Variants in AKAP7 observed in about 807,000 individuals in gnomAD.
The protein encoded by AKAP7 is A-kinase anchoring protein 7.
In AKAP7, 39 loss-of-function variants were observed where a neutral mutation model predicts 39.5. That is an observed-to-expected ratio of 0.99 (90% CI 0.76 to 1.29). AKAP7 has a LOEUF of 1.29. AKAP7 is among the 50% of genes most tolerant of loss of function. The probability of loss-of-function intolerance (pLI) is 0.00; values close to 1 mark genes in which losing one functional copy is unlikely to be tolerated. For missense variants in AKAP7, 414 were observed against 407.7 expected (o/e 1.02, Z -0.13); for synonymous variants, 140 against 139.1 (o/e 1.01, Z -0.05).
At chr6:131,220,443 T>A (rs1385729299) in intron 7 of AKAP7, among the ~76,000 whole-genome samples, 1 of 152,202 alleles carries the variant, frequency 6.6e-6, no homozygotes, top group Non-Finnish European at 1.5e-5. Flanking sequence ...GTGAACGTAT[T>A]TCAAAGCAGC....
At chr6:131,273,471 T>A (rs1814460677) in intron 7 of AKAP7, among the ~76,000 whole-genome samples, 1 of 152,196 alleles carries the variant, frequency 6.6e-6, no homozygotes, top group Non-Finnish European at 1.5e-5. Flanking sequence ...CATTATTGGC[T>A]TATTTGCTGT....
At chr6:131,248,876 G>T (rs983820414) in intron 7 of AKAP7, among the ~76,000 whole-genome samples, 2 of 152,008 alleles carry the variant, frequency 1.3e-5, no homozygotes, top group Admixed American at 1.3e-4. Flanking sequence ...GGTGAATTTG[G>T]GGGAATACTG....
chr6:131,220,112 A>G (rs1257666655), intron 7 of AKAP7, among the ~76,000 whole-genome samples: 2 of 152,200 alleles, frequency 1.3e-5, no homozygotes, highest in African/African-American at 4.8e-5. Context: ...ACATGAAGAA[A>G]ACATTTTCTC....
intron 7 of AKAP7, among the ~76,000 whole-genome samples, chr6:131,236,062 A>T (rs1811028794): frequency 6.6e-6 from 1 of 152,184 alleles, no homozygotes; most frequent in Non-Finnish European, 1.5e-5. Flanking sequence ...TCTTTAATCC[A>T]ACTTGAATTA....
At chr6:131,199,914 G>T in intron 6 of AKAP7, 1 of 266,414 alleles carries the variant, frequency 3.8e-6, no homozygotes, top group East Asian at 1.4e-4. Flanking sequence ...TTTGCATCCT[G>T]TTGCTCTCAA....
the AKAP7 span, among the ~76,000 whole-genome samples, chr6:131,126,854 G>A: frequency 2.6e-5 from 4 of 152,104 alleles, no homozygotes; most frequent in African/African-American, 7.2e-5. Context: ...CTAAGTGGCT[G>A]CCTGCATATC....
At chr6:131,206,786 C>CATCTATCTATCT (rs148815359) in intron 6 of AKAP7, among the ~76,000 whole-genome samples, 4 of 151,196 alleles carry the variant, frequency 2.6e-5, no homozygotes, top group Non-Finnish European at 5.9e-5. Context: ...TCCATCCATC[C>CATCTATCTATCT]ATCTATCTAT....
intron 5 of AKAP7, among the ~76,000 whole-genome samples, chr6:131,176,784 T>C (rs1804625747): frequency 1.3e-5 from 2 of 152,282 alleles, no homozygotes; most frequent in South Asian, 2.1e-4. Context: ...TAGGGTGCTC[T>C]ATTACTACAT....
At chr6:131,178,504 CA>C (rs1321314422) in intron 5 of AKAP7, among the ~76,000 whole-genome samples, 2 of 152,182 alleles carry the variant, frequency 1.3e-5, no homozygotes, top group Non-Finnish European at 2.9e-5. Context: ...ATCCTACACC[CA>C]TACACCACTC....
rs539406845 is a variant in AKAP7, at chr6:131,247,326, CT to C, written c.850+27533del. On this transcript the variant is annotated intron_variant, in intron 7 of 7. Coordinates refer to ENST00000431975, the MANE Select transcript of AKAP7 (RefSeq NM_016377.4). The stretch of plus-strand genomic sequence containing the variant: ...ATATATATATATATGTTTTTTTTTT[CT>C]TTTTTTTTTTTTTTCCGAGATGGAG... 8.3e-3 allele frequency among the ~76,000 whole-genome samples: 483 copies of C among 58,178 alleles called. 6 individuals are homozygous for C. Among genetic ancestry groups the C allele is most frequent in the African/African-American group, 0.026 (395 of 15,416 alleles). 38.2% of individuals were successfully genotyped at this position (58,178 alleles called of 152,430 possible). A position where few individuals can be genotyped will look rare whatever the true frequency, so the allele number is the denominator to read the frequency against.
chr6:131,208,791 A>G (rs777406805), intron 6 of AKAP7, among the ~76,000 whole-genome samples: 1 of 152,194 alleles, frequency 6.6e-6, no homozygotes, highest in Non-Finnish European at 1.5e-5. Context: ...GCTCTGCTCC[A>G]CATTGTCTTT....
At position 131,281,450 on chromosome 6, in the gene AKAP7, T is replaced by C. The variant is rs1403257136; in HGVS notation, c.851-80T>C. The C allele has an allele frequency of 1.7e-6, 2 of 1,187,608 alleles. No individual in the cohort carries two copies. The highest frequency in any genetic ancestry group is 3.1e-5 in the African/African-American group (2 of 64,460). The allele number at this position is 1,187,608 out of a possible 1,614,324, so 73.6% of individuals were successfully genotyped here. A position where few individuals can be genotyped will look rare whatever the true frequency, so the allele number is the denominator to read the frequency against. On this transcript the variant is annotated intron_variant, in intron 7 of 7. Transcript: ENST00000431975. The surrounding 1 kb of genome is among the most constrained non-coding windows in gnomAD (Gnocchi z 4.0). Reference sequence around the variant, plus strand: ...ATTTACACTTGCTCTTTTTAACCAATGGAACTAGCCGGCCCCTGCATGCCA... The same window carrying C: ...ATTTACACTTGCTCTTTTTAACCAACGGAACTAGCCGGCCCCTGCATGCCA...
upstream of AKAP7, among the ~76,000 whole-genome samples, chr6:131,133,212 C>T (rs769423348): frequency 1.2e-4 from 18 of 152,078 alleles, no homozygotes; most frequent in Non-Finnish European, 2.2e-4. Context: ...TACTTGTCAC[C>T]TTTAATGGTG....
chr6:131,275,013 C>A (rs1166132053), intron 7 of AKAP7, among the ~76,000 whole-genome samples: 2 of 152,178 alleles, frequency 1.3e-5, no homozygotes, highest in Non-Finnish European at 2.9e-5. Flanking sequence ...GTTTTGCAAT[C>A]ATCATTGCAA....
chr6:131,225,782 T>C (rs1810109771), intron 7 of AKAP7, among the ~76,000 whole-genome samples: 1 of 152,170 alleles, frequency 6.6e-6, no homozygotes, highest in African/African-American at 2.4e-5. Flanking sequence ...CATTTTAAAT[T>C]TTATCCATTA....
chr6:131,214,993 G>A (rs906386497), intron 6 of AKAP7, among the ~76,000 whole-genome samples: 1 of 151,984 alleles, frequency 6.6e-6, no homozygotes, highest in Non-Finnish European at 1.5e-5. Flanking sequence ...TTTCTTATCT[G>A]TGGATAATAG....
intron 6 of AKAP7, among the ~76,000 whole-genome samples, chr6:131,217,790 A>G (rs1216631859): frequency 6.6e-6 from 1 of 152,210 alleles, no homozygotes. Flanking sequence ...GATTATAGCA[A>G]TAGTGGCTAG....
intron 3 of AKAP7, among the ~76,000 whole-genome samples, chr6:131,161,180 C>A (rs1481271943): frequency 1.3e-5 from 2 of 152,050 alleles, no homozygotes; most frequent in African/African-American, 4.8e-5. Flanking sequence ...TATTTTGGGT[C>A]ATTCTAGGAA....
chr6:131,234,213 A>G (rs2128307787), intron 7 of AKAP7, among the ~76,000 whole-genome samples: 1 of 152,320 alleles, frequency 6.6e-6, no homozygotes, highest in Non-Finnish European at 1.5e-5. Flanking sequence ...CAACTTATTG[A>G]ACAGGTATCT....
Sources: allele counts gnomAD v4.1 joint callset (sites outside exome capture counted in the v4.1 genomes callset), GRCh38; gene constraint gnomAD v4.1.1; non-coding constraint Gnocchi (gnomAD v3.1); transcripts MANE v1.5; gene names NCBI Gene and HGNC (gene_info 2026-07-23, HGNC 2026-07-21).